The following SLC25A21 variants were observed in gnomAD, a reference collection of about 807,000 sequenced individuals.
The protein encoded by SLC25A21 is solute carrier family 25 member 21.
A neutral mutation model predicts 43.8 loss-of-function variants in SLC25A21; 47 were observed. The observed-to-expected ratio is 1.07, with a 90% confidence interval of 0.85 to 1.37. The LOEUF is 1.37. SLC25A21 is among the 40% of genes most tolerant of loss of function. SLC25A21 has a pLI of 0.00. For synonymous variants in SLC25A21, 131 were observed against 121.3 expected (o/e 1.08, Z -0.52); for missense variants, 352 against 350.2 (o/e 1.00, Z -0.04).
chr14:36,683,871 A>G lies in SLC25A21; in HGVS notation c.795T>C (p.Ala265=), dbSNP rs985347780. The change falls in exon 9 of 10, where the codon GCT becomes GCC. Residue 265 remains alanine (A), a synonymous_variant. Coordinates refer to ENST00000331299, the MANE Select transcript of SLC25A21 (RefSeq NM_030631.4). ...ATVYQEEGIL[A]LYKGLLPKIM... ...TCTTGGGAAGCAGGCCTTTGTACAA[A>G]GCTAAAATCCTGTAATGGGAAGGGA... 1.2e-6 allele frequency: 2 copies of G among 1,606,650 alleles called. No individual in the cohort carries two copies. The highest frequency in any genetic ancestry group is 2.7e-5 in the African/African-American group (2 of 74,746).
intron 1 of SLC25A21, among the ~76,000 whole-genome samples, chr14:36,942,474 T>C (rs1892586797): frequency 6.6e-6 from 1 of 152,174 alleles, no homozygotes; most frequent in African/African-American, 2.4e-5. Flanking sequence ...AGAACACATT[T>C]TAATTATTTT....
chr14:36,731,198 C>T (rs1033401623), intron 4 of SLC25A21, among the ~76,000 whole-genome samples: 1 of 152,184 alleles, frequency 6.6e-6, no homozygotes, highest in African/African-American at 2.4e-5. Context: ...TGGTCTCGAT[C>T]TCCTGACCTC....
intron 3 of SLC25A21, among the ~76,000 whole-genome samples, chr14:36,735,391 T>C (rs1388829782): frequency 1.3e-5 from 2 of 152,064 alleles, no homozygotes; most frequent in Non-Finnish European, 2.9e-5. Context: ...TGCCATATCT[T>C]CATTTCAAAC....
At chr14:36,721,001 C>T (rs894203448) in intron 6 of SLC25A21, among the ~76,000 whole-genome samples, 11 of 152,114 alleles carry the variant, frequency 7.2e-5, no homozygotes, top group African/African-American at 1.2e-4. Flanking sequence ...TGCTGGTGCC[C>T]ACAACTGGAG....
chr14:36,961,940 AG>A (rs1364435916), intron 1 of SLC25A21, among the ~76,000 whole-genome samples: 1 of 152,098 alleles, frequency 6.6e-6, no homozygotes, highest in African/African-American at 2.4e-5. Context: ...CCATGATAGA[AG>A]AAGAAATAGA....
chr14:37,129,187 C>T (rs1963350828), intron 1 of SLC25A21, among the ~76,000 whole-genome samples: 1 of 152,186 alleles, frequency 6.6e-6, no homozygotes, highest in South Asian at 2.1e-4. Flanking sequence ...AAACTCCTGG[C>T]TTCTCATCCA....
intron 2 of SLC25A21, among the ~76,000 whole-genome samples, chr14:36,861,511 C>A (rs1331107280): frequency 6.6e-6 from 1 of 152,170 alleles, no homozygotes; most frequent in Non-Finnish European, 1.5e-5. Flanking sequence ...TCTCACGCTG[C>A]AGGGAGAGCC....
At chr14:36,824,755 T>C (rs938501879) in intron 2 of SLC25A21, among the ~76,000 whole-genome samples, 4 of 130,934 alleles carry the variant, frequency 3.1e-5, no homozygotes, top group Non-Finnish European at 6.2e-5. Context: ...GAAAAGAGAA[T>C]CACTTATATA....
intron 1 of SLC25A21, among the ~76,000 whole-genome samples, chr14:36,903,441 G>A (rs534550729): frequency 1.6e-3 from 242 of 151,460 alleles, no homozygotes; most frequent in African/African-American, 5.8e-3. Context: ...GTGAAACCCC[G>A]TCTCTACTAA....
At chr14:36,949,174 C>T (rs1892744632) in intron 1 of SLC25A21, among the ~76,000 whole-genome samples, 1 of 152,172 alleles carries the variant, frequency 6.6e-6, no homozygotes, top group Non-Finnish European at 1.5e-5. Flanking sequence ...AATGACTTGT[C>T]TCAGTCACCA....
chr14:37,001,489 G>A (rs189338926), intron 1 of SLC25A21, among the ~76,000 whole-genome samples: 38 of 152,244 alleles, frequency 2.5e-4, no homozygotes, highest in Admixed American at 1.6e-3. Context: ...TCTTCATTCT[G>A]CTGTTATTGC....
chr14:37,141,144 C>CA (rs1268055445), intron 1 of SLC25A21, among the ~76,000 whole-genome samples: 1 of 149,056 alleles, frequency 6.7e-6, no homozygotes, highest in Non-Finnish European at 1.5e-5. Flanking sequence ...GACACTGTCT[C>CA]AAAAAAAGAA....
intron 1 of SLC25A21, among the ~76,000 whole-genome samples, chr14:36,945,702 G>C (rs1433962752): frequency 6.6e-6 from 1 of 152,138 alleles, no homozygotes; most frequent in Non-Finnish European, 1.5e-5. Flanking sequence ...GTTGGCATCA[G>C]GGGCTGGGGG....
At chr14:36,732,061 GT>G (rs1451446276) in intron 4 of SLC25A21, among the ~76,000 whole-genome samples, 1 of 152,148 alleles carries the variant, frequency 6.6e-6, no homozygotes, top group African/African-American at 2.4e-5. Context: ...ACTGGTCCCT[GT>G]TACTCTATCT....
At chr14:36,899,891 G>A (rs916904882) in intron 1 of SLC25A21, among the ~76,000 whole-genome samples, 1 of 152,126 alleles carries the variant, frequency 6.6e-6, no homozygotes, top group Non-Finnish European at 1.5e-5. Context: ...TACCTTACTA[G>A]TGAAAAGCTG....
At position 36,991,534 on chromosome 14, in the gene SLC25A21, G is replaced by T. The variant is rs1261762765; in HGVS notation, c.71-116530C>A. On this transcript the variant is annotated intron_variant, in intron 1 of 9. Coordinates refer to ENST00000331299, the MANE Select transcript of SLC25A21 (RefSeq NM_030631.4). ...GTAATAAAAGGAGCCAAGAATTTTT[G>T]AATGTGTAATTGTATTAAGGCCTTA... Among the ~76,000 whole-genome samples, 6 of 152,162 alleles carry T rather than the reference G, an allele frequency of 3.9e-5. No individual in the cohort carries two copies. In the South Asian group the frequency reaches 6.2e-4, roughly 16 times the overall value.
chr14:36,941,063 T>C (rs1892544477), intron 1 of SLC25A21, among the ~76,000 whole-genome samples: 1 of 152,272 alleles, frequency 6.6e-6, no homozygotes. Flanking sequence ...GTATATATTA[T>C]ATCTACATAG....
At chr14:37,089,686 T>G (rs1962548695) in intron 1 of SLC25A21, among the ~76,000 whole-genome samples, 1 of 152,210 alleles carries the variant, frequency 6.6e-6, no homozygotes, top group Admixed American at 6.5e-5. Flanking sequence ...GCTCAAATTT[T>G]ATACCACAGC....
At chr14:36,825,566 C>T (rs1333334412) in intron 2 of SLC25A21, among the ~76,000 whole-genome samples, 1 of 152,138 alleles carries the variant, frequency 6.6e-6, no homozygotes, top group Non-Finnish European at 1.5e-5. Context: ...AGGTGCTTTG[C>T]TGGGTTGCAA....
Sources: gnomAD v4.1 joint callset for allele counts (sites outside exome capture counted in the v4.1 genomes callset) on GRCh38, gnomAD v4.1.1 for gene constraint, MANE v1.5 for transcripts, NCBI Gene and HGNC (gene_info 2026-07-23, HGNC 2026-07-21) for gene names.